PCDH7: variants seen among roughly 807,000 people sequenced by gnomAD.
The protein encoded by PCDH7 is protocadherin-7.
Under a neutral mutation model 58.9 loss-of-function variants are expected in PCDH7, and 17 were observed. The ratio of observed to expected loss-of-function variants is 0.29; its 90% CI spans 0.20 to 0.43. PCDH7 has a LOEUF of 0.43. Ranked by LOEUF, PCDH7 falls within the 20% of genes least tolerant of loss-of-function variation. PCDH7 has a pLI of 1.00. For missense variants in PCDH7, 1,274 were observed against 1,441.0 expected (o/e 0.88, Z 1.88); for synonymous variants, 664 against 616.4 (o/e 1.08, Z -1.14).
At chr4:30,779,039 G>C (rs1191397830) in intron 1 of PCDH7, among the ~76,000 whole-genome samples, 1 of 126,630 alleles carries the variant, frequency 7.9e-6, no homozygotes, top group African/African-American at 3.0e-5. Context: ...TTTAAATGGA[G>C]ACGGAGTCTC....
chr4:30,771,196 G>T (rs1289395418), intron 1 of PCDH7, among the ~76,000 whole-genome samples: 2 of 151,982 alleles, frequency 1.3e-5, no homozygotes, highest in African/African-American at 2.4e-5. Context: ...TTCTTATTTT[G>T]AACGAATTCA....
chr4:30,903,876 A>G (rs1480513991), intron 1 of PCDH7, among the ~76,000 whole-genome samples: 2 of 152,174 alleles, frequency 1.3e-5, no homozygotes, highest in Non-Finnish European at 2.9e-5. Flanking sequence ...AAAGGATACT[A>G]CATGTAAAAG....
intron 3 of PCDH7, among the ~76,000 whole-genome samples, chr4:31,014,694 A>G (rs528745724): frequency 1.3e-5 from 2 of 152,194 alleles, no homozygotes; most frequent in East Asian, 3.9e-4. Flanking sequence ...AAAACTTGAG[A>G]TATGTAATGT....
chr4:30,910,447 A>G (rs564470014), intron 1 of PCDH7, among the ~76,000 whole-genome samples: 208 of 152,346 alleles, frequency 1.4e-3, no homozygotes, highest in African/African-American at 4.8e-3. Context: ...TCCAGAATCC[A>G]CAAGAAACTT....
At chr4:30,836,192 G>A (rs1245433033) in intron 1 of PCDH7, among the ~76,000 whole-genome samples, 1 of 152,144 alleles carries the variant, frequency 6.6e-6, no homozygotes, top group Non-Finnish European at 1.5e-5. Flanking sequence ...TTATGTTATT[G>A]AGCATTTATT....
intron 3 of PCDH7, among the ~76,000 whole-genome samples, chr4:31,106,079 G>A (rs1015307431): frequency 6.6e-6 from 1 of 151,466 alleles, no homozygotes; most frequent in Non-Finnish European, 1.5e-5. Context: ...TATGTAACAG[G>A]AGTATTGTAT....
intron 1 of PCDH7, among the ~76,000 whole-genome samples, chr4:30,756,683 T>A (rs1719355035): frequency 6.6e-6 from 1 of 152,196 alleles, no homozygotes; most frequent in African/African-American, 2.4e-5. Context: ...CCTAAAACAT[T>A]GTTTCATTAC....
intron 3 of PCDH7, among the ~76,000 whole-genome samples, chr4:31,115,010 T>C (rs1020731380): frequency 1.3e-5 from 2 of 152,180 alleles, no homozygotes; most frequent in Non-Finnish European, 2.9e-5. Flanking sequence ...GTAAGAACAG[T>C]GCGGGTTTTC....
rs1719533589 is a variant in PCDH7 at position 30,757,959 on chromosome 4, C to T, written c.70+33363C>T. ...AGGTGTTAGGACGGGAAAGAACAGC[C>T]TTGCTAAAAATCACTGCTATCACGG... is the stretch of plus-strand genomic sequence containing the variant. On this transcript the variant is annotated intron_variant, in intron 1 of 3. Transcript: ENST00000509759. Among the ~76,000 whole-genome samples, 4 of 152,098 alleles carry T rather than the reference C, an allele frequency of 2.6e-5. No individual in the cohort carries two copies. In the South Asian group the frequency reaches 8.3e-4, roughly 32 times the overall value.
intron 3 of PCDH7, among the ~76,000 whole-genome samples, chr4:31,078,484 CTTTTTT>C (rs999880241): frequency 7.0e-6 from 1 of 142,872 alleles, no homozygotes; most frequent in African/African-American, 2.6e-5. Context: ...TTTCTTTTTT[CTTTTTT>C]TTTTTTTTGG....
chr4:30,810,664 T>G (rs1577896273), intron 1 of PCDH7, among the ~76,000 whole-genome samples: 1 of 150,918 alleles, frequency 6.6e-6, no homozygotes, highest in East Asian at 2.0e-4. Flanking sequence ...CAGGCTGGAG[T>G]GCAGTGGTGC....
intron 3 of PCDH7, among the ~76,000 whole-genome samples, chr4:31,058,575 T>C (rs868726583): frequency 1.3e-5 from 2 of 152,024 alleles, no homozygotes; most frequent in South Asian, 4.1e-4. Flanking sequence ...TTTTATTACT[T>C]TATTTAATGA....
intron 1 of PCDH7, among the ~76,000 whole-genome samples, chr4:30,908,860 G>A (rs1443008221): frequency 6.6e-6 from 1 of 152,098 alleles, no homozygotes; most frequent in African/African-American, 2.4e-5. Flanking sequence ...GATACCAAAA[G>A]CTGGCAGAGA....
At chr4:30,916,777 C>T (rs1411703686) in intron 1 of PCDH7, among the ~76,000 whole-genome samples, 4 of 152,184 alleles carry the variant, frequency 2.6e-5, no homozygotes, top group African/African-American at 9.6e-5. Context: ...TGAACCTCTA[C>T]CTATGTTCTT....
In PCDH7 at chr4:30,894,463, GAAAAAAAAAAAA is replaced by G. The variant is rs750545292; in HGVS notation, c.71-25673_71-25662del. Among the ~76,000 whole-genome samples, 26 of 13,022 alleles carry G rather than the reference GAAAAAAAAAAAA, an allele frequency of 2.0e-3. 1 individual carries two copies. Among genetic ancestry groups the G allele is most frequent in the Admixed American group, 9.2e-3 (4 of 436 alleles). 8.5% of individuals were successfully genotyped at this position (13,022 alleles called of 152,430 possible). A position where few individuals can be genotyped will look rare whatever the true frequency, so the allele number is the denominator to read the frequency against. ...TGGTCTGGAGACCAGTTTCATTCAG[GAAAAAAAAAAAA>G]AAAAAAAAAAAAAAAATATATATAT... On this transcript the variant is annotated intron_variant, in intron 1 of 3. Coordinates refer to the PCDH7 transcript ENST00000509759.
intron 1 of PCDH7, among the ~76,000 whole-genome samples, chr4:30,729,104 G>A (rs1245021642): frequency 6.6e-6 from 1 of 151,792 alleles, no homozygotes; most frequent in Non-Finnish European, 1.5e-5. Flanking sequence ...AGGAGACTGA[G>A]GCCCAGCATG....
At position 30,805,623 on chromosome 4, in the gene PCDH7, G is replaced by A. The variant is rs144782976; in HGVS notation, c.70+81027G>A. 7.2e-5 allele frequency among the ~76,000 whole-genome samples: 11 copies of A among 152,258 alleles called. No individual in the cohort carries two copies. In the East Asian group the frequency reaches 1.9e-3, roughly 27 times the overall value. ...ATTCTAGTTTATTCTCTTCAGAAAC[G>A]TTTCTCATGAGTGAAGACTACTGAC... On this transcript the variant is annotated intron_variant, in intron 1 of 3. Transcript: ENST00000509759.
At position 30,920,117 on chromosome 4, in the gene PCDH7, A is replaced by G. The variant is rs369726415; in HGVS notation, c.71-36A>G. On this transcript the variant is annotated intron_variant, in intron 1 of 3. Coordinates refer to the PCDH7 transcript ENST00000509759. The stretch of plus-strand genomic sequence containing the variant: ...TTAAAATAAGATCATTTACAATCTT[A>G]CATCGTAGTGACATTCAGAATCTTT... 4 of 1,336,204 alleles carry G rather than the reference A, an allele frequency of 3.0e-6. No individual in the cohort carries two copies. The African/African-American group carries it at 4.5e-5, about 15-fold the overall frequency. The allele number at this position is 1,336,204 out of a possible 1,614,324, so 82.8% of individuals were successfully genotyped here. A position where few individuals can be genotyped will look rare whatever the true frequency, so the allele number is the denominator to read the frequency against.
intron 3 of PCDH7, among the ~76,000 whole-genome samples, chr4:31,083,613 A>C (rs1042120772): frequency 6.6e-6 from 1 of 152,200 alleles, no homozygotes; most frequent in African/African-American, 2.4e-5. Flanking sequence ...TGACATTCAA[A>C]GGAGACATCC....
Sources: gnomAD v4.1 joint callset for allele counts (sites outside exome capture counted in the v4.1 genomes callset) on GRCh38, gnomAD v4.1.1 for gene constraint, MANE v1.5 for transcripts, NCBI Gene and HGNC (gene_info 2026-07-23, HGNC 2026-07-21) for gene names.